Variants in MCF2 observed in about 807,000 individuals in gnomAD.
The protein encoded by MCF2 is MCF.2 cell line derived transforming sequence, also known as proto-oncogene DBL.
In MCF2, 44 loss-of-function variants were observed where a neutral mutation model predicts 82.5. That is an observed-to-expected ratio of 0.53 (90% CI 0.42 to 0.69). MCF2 has a LOEUF of 0.69. Ranked by LOEUF, MCF2 falls within the 30% of genes least tolerant of loss-of-function variation. The pLI, the probability that MCF2 is intolerant of heterozygous loss-of-function variation, is 0.00. For missense variants in MCF2, 623 were observed against 663.1 expected (o/e 0.94, Z 0.66); for synonymous variants, 217 against 224.9 (o/e 0.96, Z 0.32).
At chrX:139,611,571 A>C (rs1931496187) in intron 10 of MCF2, among the ~76,000 whole-genome samples, 1 of 112,145 alleles carries the variant, frequency 8.9e-6, no homozygotes, top group African/African-American at 3.2e-5. Flanking sequence ...CTTCAAAGCA[A>C]GGTAGATGTA....
rs1204195133 is a variant in MCF2, at chrX:139,642,709, GA to G, written c.-192del. The G allele has an allele frequency of 2.8e-6, 3 of 1,078,177 alleles. No homozygotes were observed. In the African/African-American group the frequency reaches 5.7e-5, roughly 21 times the overall value. 88.9% of individuals were successfully genotyped at this position (1,078,177 alleles called of 1,213,427 possible). On this transcript the variant is annotated 5_prime_UTR_variant, in exon 1 of 25. Transcript: ENST00000370576. ...AAAAAAAAAAAAAACCACTATCCCT[GA>G]TTAGTCAGCTGACAGATCCTTCCCT...
chrX:139,626,438 G>T, intron 5 of MCF2, 131 bp from the exon 9 acceptor site: 1 of 583,545 alleles, frequency 1.7e-6, no homozygotes, highest in Non-Finnish European at 2.8e-6. Flanking sequence ...TACCTATAGA[G>T]ACAACCAATG....
intron 1 of MCF2, among the ~76,000 whole-genome samples, chrX:139,696,873 A>G (rs908941856): frequency 1.5e-4 from 17 of 112,582 alleles, no homozygotes; most frequent in African/African-American, 5.5e-4. Context: ...CCTCATTTAT[A>G]GAATAAGGAT....
At chrX:139,600,220 T>C (rs1052564662) in intron 16 of MCF2, among the ~76,000 whole-genome samples, 1 of 111,384 alleles carries the variant, frequency 9.0e-6, no homozygotes, top group African/African-American at 3.3e-5. Flanking sequence ...AAAAACATGG[T>C]TGTACAACCT....
chrX:139,638,095 C>A (rs1240188715), intron 1 of MCF2, among the ~76,000 whole-genome samples: 1 of 111,966 alleles, frequency 8.9e-6, no homozygotes, highest in African/African-American at 3.2e-5. Flanking sequence ...CGTAATGATA[C>A]ATTTTCACTG....
chrX:139,704,020 G>A (rs1413192092), intron 1 of MCF2, among the ~76,000 whole-genome samples: 1 of 111,719 alleles, frequency 9.0e-6, no homozygotes, highest in African/African-American at 3.3e-5. Flanking sequence ...AATAGGCACA[G>A]AGAAAGCTTT....
chrX:139,661,534 G>A (rs1934355181), intron 1 of MCF2, among the ~76,000 whole-genome samples: 1 of 111,797 alleles, frequency 8.9e-6, no homozygotes, highest in African/African-American at 3.2e-5. Context: ...AACAAAATGT[G>A]TGGGAAGGAG....
intron 2 of MCF2, among the ~76,000 whole-genome samples, chrX:139,651,350 C>T (rs1458248356): frequency 9.0e-6 from 1 of 111,314 alleles, no homozygotes; most frequent in African/African-American, 3.3e-5. Context: ...TTGTAATACA[C>T]ATTTGAGTAA....
At chrX:139,629,983 A>G in intron 3 of MCF2, 139 bp from the exon 7 acceptor site, 1 of 399,578 alleles carries the variant, frequency 2.5e-6, no homozygotes, top group Non-Finnish European at 4.3e-6. Flanking sequence ...CTAGAGAAAT[A>G]TGGCATTGCT....
intron 1 of MCF2, among the ~76,000 whole-genome samples, chrX:139,670,967 A>T (rs1934669786): frequency 9.0e-6 from 1 of 111,516 alleles, no homozygotes; most frequent in Non-Finnish European, 1.9e-5. Context: ...CATCCTCTCC[A>T]GCATCTGTTG....
At chrX:139,619,111 T>A (rs1181729286) in intron 7 of MCF2, among the ~76,000 whole-genome samples, 3 of 111,313 alleles carry the variant, frequency 2.7e-5, no homozygotes, top group Admixed American at 9.6e-5. Context: ...GTTCCCATCA[T>A]TTCCAAGCAC....
chrX:139,670,037 T>C (rs1014495860), intron 1 of MCF2, among the ~76,000 whole-genome samples: 1 of 111,929 alleles, frequency 8.9e-6, no homozygotes, highest in Non-Finnish European at 1.9e-5. Flanking sequence ...GTAAATTGTA[T>C]TATACGTGTA....
intron 4 of MCF2, among the ~76,000 whole-genome samples, chrX:139,627,147 G>A (rs781195192): frequency 9.0e-6 from 1 of 111,146 alleles, no homozygotes; most frequent in African/African-American, 3.3e-5. Context: ...GCCCAGGCTG[G>A]ACACAAACTC....
chrX:139,638,690 A>G (rs1933378469), intron 1 of MCF2, among the ~76,000 whole-genome samples: 1 of 111,820 alleles, frequency 8.9e-6, no homozygotes, highest in African/African-American at 3.2e-5. Context: ...GTTTGTTAAA[A>G]TGCTGCATAC....
chrX:139,650,082 C>T (rs1003358173), intron 2 of MCF2, among the ~76,000 whole-genome samples: 5 of 111,293 alleles, frequency 4.5e-5, no homozygotes, highest in Non-Finnish European at 9.4e-5. Flanking sequence ...AGGCTGGGTG[C>T]GACGGCTCAT....
intron 1 of MCF2, among the ~76,000 whole-genome samples, chrX:139,642,045 T>A (rs1397472256): frequency 1.8e-5 from 2 of 111,452 alleles, no homozygotes; most frequent in Admixed American, 1.9e-4. Flanking sequence ...AGGCTGCATT[T>A]TTAAGTGATG....
chrX:139,648,367 G>A (rs759544028), intron 2 of MCF2, among the ~76,000 whole-genome samples: 5 of 109,197 alleles, frequency 4.6e-5, no homozygotes, highest in Admixed American at 9.8e-5. Context: ...GCAAGACCCC[G>A]TCTCTCCACG....
At chrX:139,650,738 T>C (rs1004253999) in intron 2 of MCF2, among the ~76,000 whole-genome samples, 4 of 112,228 alleles carry the variant, frequency 3.6e-5, no homozygotes, top group Admixed American at 9.5e-5. Flanking sequence ...TGGGTAATGC[T>C]ATTTAGCGGC....
intron 4 of MCF2, among the ~76,000 whole-genome samples, chrX:139,629,426 A>G (rs368148658): frequency 3.6e-5 from 4 of 112,381 alleles, no homozygotes; most frequent in African/African-American, 1.3e-4. Flanking sequence ...ATAGTAAAAC[A>G]AAAGACTATA....
Sources: allele counts gnomAD v4.1 joint callset (sites outside exome capture counted in the v4.1 genomes callset), GRCh38; gene constraint gnomAD v4.1.1; transcripts MANE v1.5; gene names NCBI Gene and HGNC (gene_info 2026-07-23, HGNC 2026-07-21).